The following RFC2 variants were observed in gnomAD, a reference collection of about 807,000 sequenced individuals.
RFC2 encodes the protein A1 40 kDa subunit.
In RFC2, 34 loss-of-function variants were observed where a neutral mutation model predicts 44.8. The observed-to-expected ratio is 0.76, with a 90% CI of 0.58 to 1.01. The LOEUF (loss-of-function observed/expected upper bound fraction) is 1.01. Among genes scored for constraint, RFC2 ranks in the 50% least tolerant of loss-of-function variants. The pLI, the probability that RFC2 is intolerant of heterozygous loss-of-function variation, is 0.00. For synonymous variants in RFC2, 177 were observed against 168.9 expected (o/e 1.05, Z -0.37); for missense variants, 400 against 453.6 (o/e 0.88, Z 1.07).
intron 7 of RFC2, among the ~76,000 whole-genome samples, chr7:74,239,520 A>G (rs536923141): frequency 1.3e-5 from 2 of 152,174 alleles, no homozygotes; most frequent in African/African-American, 4.8e-5. Flanking sequence ...TTTAGTAGAG[A>G]TGAGGTTTCA....
intron 6 of RFC2, 69 bp from the exon 7 acceptor site, chr7:74,240,164 C>A: frequency 6.9e-7 from 1 of 1,440,712 alleles, no homozygotes; most frequent in South Asian, 1.2e-5. Flanking sequence ...GCTCTTTGGT[C>A]ATAAGGCTGC....
At chr7:74,247,898 A>C (rs1554720328) in intron 4 of RFC2, among the ~76,000 whole-genome samples, 1 of 152,136 alleles carries the variant, frequency 6.6e-6, no homozygotes, top group Non-Finnish European at 1.5e-5. Context: ...CTTTTGCTCA[A>C]GTCCCTTATA....
intron 10 of RFC2, among the ~76,000 whole-genome samples, chr7:74,233,161 T>C (rs1275712821): frequency 6.6e-6 from 1 of 150,396 alleles, no homozygotes; most frequent in Non-Finnish European, 1.5e-5. Context: ...CAGTGAACTA[T>C]GATCGCACCA....
chr7:74,250,874 C>T (rs1584266711), intron 2 of RFC2, among the ~76,000 whole-genome samples: 2 of 152,034 alleles, frequency 1.3e-5, no homozygotes, highest in African/African-American at 2.4e-5. Context: ...CTGCAACCTC[C>T]GCCTCCCGGG....
chr7:74,251,706 A>C (rs1554721073), intron 2 of RFC2, among the ~76,000 whole-genome samples: 1 of 143,686 alleles, frequency 7.0e-6, no homozygotes, highest in Admixed American at 6.9e-5. Context: ...GCTGAGGCAG[A>C]AGAATTGCTT....
intron 10 of RFC2, chr7:74,233,833 C>T (rs3135706): frequency 0.011 from 4,941 of 456,394 alleles, 218 homozygotes; most frequent in African/African-American, 0.087. Context: ...GGTTGAGGAT[C>T]CTCCGGAATG....
At chr7:74,247,122 C>CAA (rs74906792) in intron 4 of RFC2, among the ~76,000 whole-genome samples, 2 of 102,170 alleles carry the variant, frequency 2.0e-5, no homozygotes, top group South Asian at 3.1e-4. Flanking sequence ...TAATTCGTCT[C>CAA]AAAAAAAAAA....
At position 74,232,017 on chromosome 7, in the gene RFC2, G is replaced by A. The variant is rs1213694506; in HGVS notation, c.*89C>T. On this transcript the variant is annotated 3_prime_UTR_variant, in exon 11 of 11. Transcript: ENST00000055077. ...TTAAAGGACAGTCATGTTGGCTCCA[G>A]CCTAAGGCGGCATTTTCCCCCATCA... The A allele has an allele frequency of 1.3e-6, 1 of 794,726 alleles. No homozygotes were observed. The highest frequency in any genetic ancestry group is 2.2e-6 in the Non-Finnish European group (1 of 458,886). 49.2% of individuals were successfully genotyped at this position (794,726 alleles called of 1,614,324 possible). A position where few individuals can be genotyped will look rare whatever the true frequency, so the allele number is the denominator to read the frequency against.
chr7:74,239,490 C>G (rs1803207804), intron 7 of RFC2, among the ~76,000 whole-genome samples: 1 of 151,990 alleles, frequency 6.6e-6, no homozygotes, highest in Non-Finnish European at 1.5e-5. Context: ...CACCACCACG[C>G]CTGGCTAATT....
intron 3 of RFC2, among the ~76,000 whole-genome samples, chr7:74,249,397 T>C (rs1554720646): frequency 6.6e-6 from 1 of 151,860 alleles, no homozygotes; most frequent in African/African-American, 2.4e-5. Context: ...AAAACTTAGC[T>C]GGGCGTGATG....
Position 74,238,378 on chromosome 7 carries a change from G to C in RFC2, c.759+545C>G, listed in dbSNP as rs1019134580. ...AAGCAGTTTTCAAAAGAATTCCCAAGAGAAAAATGTTTTGCTGACATGGGA... is the reference window on the plus strand; with the variant it reads ...AAGCAGTTTTCAAAAGAATTCCCAACAGAAAAATGTTTTGCTGACATGGGA... On this transcript the variant is annotated intron_variant, in intron 8 of 10. Transcript: ENST00000055077. The surrounding 1 kb of genome is among the most constrained non-coding windows in gnomAD (Gnocchi z 4.0). Among the ~76,000 whole-genome samples the C allele has an allele frequency of 2.0e-5, 3 of 152,112 alleles. No homozygotes were observed. Among genetic ancestry groups the C allele is most frequent in the African/African-American group, 7.2e-5 (3 of 41,430 alleles).
intron 5 of RFC2, among the ~76,000 whole-genome samples, chr7:74,244,762 G>A (rs1211183768): frequency 6.6e-6 from 1 of 151,662 alleles, no homozygotes; most frequent in Admixed American, 6.6e-5. Context: ...GAGGCCAGGA[G>A]TTTGAGACCA....
In RFC2 at chr7:74,240,003, T is replaced by C; in HGVS notation, c.628A>G (p.Arg210Gly). Reference sequence around the variant, plus strand: ...AGGCCGTCATCAGTGTAGGGTACCCTCTCCTTCTCGATAACATTCATCAGC... The same window carrying C: ...AGGCCGTCATCAGTGTAGGGTACCCCCTCCTTCTCGATAACATTCATCAGC... ...TRLMNVIEKERVPYTDDGLEA... is the reference protein window; with the variant it reads ...TRLMNVIEKEGVPYTDDGLEA... The change falls in exon 7 of 11, where the codon AGG becomes GGG. Residue 210 changes from arginine (R) to glycine (G), a missense_variant. By Grantham distance (125) the Arg-to-Gly change is moderately radical. Coordinates refer to ENST00000055077, the MANE Select transcript of RFC2 (RefSeq NM_181471.3). 6.2e-7 allele frequency: 1 copy of C among 1,613,880 alleles called. No individual in the cohort carries two copies. Among genetic ancestry groups the C allele is most frequent in the African/African-American group, 1.3e-5 (1 of 74,994 alleles).
intron 2 of RFC2, 83 bp downstream of exon 2, chr7:74,252,346 G>A: frequency 1.3e-6 from 1 of 750,404 alleles, no homozygotes; most frequent in African/African-American, 1.8e-5. Flanking sequence ...GGCGGAGCTT[G>A]CAGTGAGCGG....
intron 2 of RFC2, 39 bp downstream of exon 2, chr7:74,252,390 G>C (rs1554721278): frequency 3.4e-6 from 4 of 1,179,252 alleles, no homozygotes; most frequent in Non-Finnish European, 3.7e-6. Context: ...CTGGGCGACA[G>C]AGCGAGACTC....
intron 4 of RFC2, among the ~76,000 whole-genome samples, chr7:74,247,054 A>G (rs1369509299): frequency 6.8e-6 from 1 of 147,990 alleles, no homozygotes; most frequent in Non-Finnish European, 1.5e-5. Context: ...GCTCACTGCA[A>G]GCTCTGCCTC....
At chr7:74,239,157 G>A (rs572590464) in intron 7 of RFC2, among the ~76,000 whole-genome samples, 169 bp from the exon 8 acceptor site, 8 of 150,352 alleles carry the variant, frequency 5.3e-5, no homozygotes, top group South Asian at 4.2e-4. Context: ...CCACCGCACC[G>A]GGCCAAGGGT....
intron 10 of RFC2, among the ~76,000 whole-genome samples, chr7:74,232,702 T>G (rs1554717415): frequency 6.6e-6 from 1 of 151,986 alleles, no homozygotes; most frequent in Non-Finnish European, 1.5e-5. Flanking sequence ...CCATCTCTAC[T>G]AAAAATACAA....
At chr7:74,246,405 A>C (rs1342573222) in intron 5 of RFC2, among the ~76,000 whole-genome samples, 3 of 151,728 alleles carry the variant, frequency 2.0e-5, no homozygotes, top group Non-Finnish European at 4.4e-5. Context: ...TCTCAAAAAA[A>C]AAAAAAAACA....
Sources: allele counts gnomAD v4.1 joint callset (sites outside exome capture counted in the v4.1 genomes callset), GRCh38; gene constraint gnomAD v4.1.1; non-coding constraint Gnocchi (gnomAD v3.1); transcripts MANE v1.5; gene names NCBI Gene and HGNC (gene_info 2026-07-23, HGNC 2026-07-21).